Variants in PLA2G4C observed in about 807,000 individuals in gnomAD.
PLA2G4C encodes the protein cytosolic phospholipase A2 gamma.
Under a neutral mutation model 73.8 loss-of-function variants are expected in PLA2G4C, and 64 were observed. The observed-to-expected ratio is 0.87, with a 90% CI of 0.71 to 1.07. The LOEUF (loss-of-function observed/expected upper bound fraction) is 1.07. Ranked by LOEUF, PLA2G4C falls within the 50% of genes least tolerant of loss-of-function variation. PLA2G4C has a pLI of 0.00. For synonymous variants in PLA2G4C, 254 were observed against 252.1 expected (o/e 1.01, Z -0.07); for missense variants, 622 against 665.4 (o/e 0.93, Z 0.72).
intron 10 of PLA2G4C, among the ~76,000 whole-genome samples, chr19:48,083,974 A>G (rs17358665): frequency 0.17 from 25,803 of 151,374 alleles, 2,649 homozygotes; most frequent in Non-Finnish European, 0.24. Context: ...AATGGAGGGG[A>G]CAACAGCATC....
intron 15 of PLA2G4C, among the ~76,000 whole-genome samples, chr19:48,053,430 C>A (rs1165400562): frequency 1.4e-5 from 2 of 140,824 alleles, no homozygotes; most frequent in Non-Finnish European, 3.0e-5. Context: ...AGTCCAATGG[C>A]ACAATCTTGG....
At chr19:48,059,739 G>A (rs1968095136) in intron 14 of PLA2G4C, among the ~76,000 whole-genome samples, 1 of 150,926 alleles carries the variant, frequency 6.6e-6, no homozygotes, top group South Asian at 2.1e-4. Flanking sequence ...GCTACAGACT[G>A]AAGGCTGCAC....
intron 10 of PLA2G4C, among the ~76,000 whole-genome samples, chr19:48,083,579 C>G (rs1267264480): frequency 6.6e-6 from 1 of 150,952 alleles, no homozygotes; most frequent in Non-Finnish European, 1.5e-5. Context: ...TCCCGTGTAG[C>G]TGGGATTACA....
At chr19:48,050,673 CTTTTT>C (rs5828330) in intron 16 of PLA2G4C, among the ~76,000 whole-genome samples, 7 of 78,748 alleles carry the variant, frequency 8.9e-5, no homozygotes, top group Admixed American at 2.1e-4. Flanking sequence ...GAGTATGTGA[CTTTTT>C]TTTTTTTTTT....
intron 13 of PLA2G4C, among the ~76,000 whole-genome samples, chr19:48,066,076 A>G (rs972655618): frequency 6.6e-6 from 1 of 151,282 alleles, no homozygotes; most frequent in African/African-American, 2.4e-5. Flanking sequence ...AAAAAGAGCA[A>G]AACTCCATCT....
intron 10 of PLA2G4C, among the ~76,000 whole-genome samples, chr19:48,084,701 T>G (rs1448537693): frequency 6.6e-6 from 1 of 152,246 alleles, no homozygotes; most frequent in Non-Finnish European, 1.5e-5. Context: ...TACCAGACAC[T>G]GTCCTATGTG....
Position 48,105,317 on chromosome 19 carries a change from T to C in PLA2G4C, c.120+16A>G. ...GATTCTGGGATCTCTGGGGCCACCC[T>C]CCTCCCCTCACTTACCTCATCAGCC... On this transcript the variant is annotated intron_variant, in intron 3 of 16. Coordinates refer to ENST00000599921, the MANE Select transcript of PLA2G4C (RefSeq NM_003706.3). The C allele has an allele frequency of 6.4e-7, 1 of 1,570,658 alleles. No homozygotes were observed. The highest frequency in any genetic ancestry group is 1.7e-5 in the Admixed American group (1 of 58,144).
At chr19:48,061,424 C>G (rs1968165929) in intron 14 of PLA2G4C, 1 of 153,554 alleles carries the variant, frequency 6.5e-6, no homozygotes, top group Non-Finnish European at 1.4e-5. Context: ...AATTTTACAG[C>G]TGAGGAAACC....
chr19:48,110,271 C>T (rs924495636), intron 1 of PLA2G4C, among the ~76,000 whole-genome samples: 1 of 151,460 alleles, frequency 6.6e-6, no homozygotes, highest in African/African-American at 2.4e-5. Flanking sequence ...GCTTGAACCC[C>T]GGAGGCGGAG....
chr19:48,087,056 A>G (rs2031019828), intron 9 of PLA2G4C, among the ~76,000 whole-genome samples: 1 of 152,208 alleles, frequency 6.6e-6, no homozygotes, highest in South Asian at 2.1e-4. Flanking sequence ...CTAGACCCAG[A>G]GGAACAATAA....
At position 48,084,946 on chromosome 19, in the gene PLA2G4C, TG is replaced by T. The variant is rs1167222130; in HGVS notation, c.844+112del. On this transcript the variant is annotated intron_variant, in intron 10 of 16. Transcript: ENST00000599921. Reference sequence around the variant, plus strand: ...GAGAATAAATGTCAGGAAATGTGGTTGTTAGAACCATTATACACAGGCCTCT... The same window carrying T: ...GAGAATAAATGTCAGGAAATGTGGTTTTAGAACCATTATACACAGGCCTCT... The T allele has an allele frequency of 2.5e-5, 19 of 750,368 alleles. No homozygotes were observed. In the Admixed American group the frequency reaches 4.1e-4, roughly 16 times the overall value. 46.5% of individuals were successfully genotyped at this position (750,368 alleles called of 1,614,324 possible).
At chr19:48,064,803 C>G (rs1028079101) in intron 13 of PLA2G4C, 5 of 152,170 alleles carry the variant, frequency 3.3e-5, no homozygotes. Context: ...ACACATGGAG[C>G]AAAGACCATA....
chr19:48,059,084 A>C (rs1968071316), intron 14 of PLA2G4C, among the ~76,000 whole-genome samples: 1 of 152,058 alleles, frequency 6.6e-6, no homozygotes, highest in Non-Finnish European at 1.5e-5. Flanking sequence ...CAGCCTGGCC[A>C]ACATGGTGAA....
In PLA2G4C at chr19:48,110,474, C is replaced by T; in HGVS notation, c.-33+13G>A. The stretch of plus-strand genomic sequence containing the variant: ...AGCGGGATGAAACAGCCCTCCCTGC[C>T]CCCACGGCTTGCCTGAGCCTGGGTC... On this transcript the variant is annotated intron_variant, in intron 1 of 16. Transcript: ENST00000599921. The T allele has an allele frequency of 7.1e-7, 1 of 1,401,764 alleles. No individual in the cohort carries two copies. The highest frequency in any genetic ancestry group is 1.4e-5 in the South Asian group (1 of 70,274). The allele number at this position is 1,401,764 out of a possible 1,614,324, so 86.8% of individuals were successfully genotyped here. A position where few individuals can be genotyped will look rare whatever the true frequency, so the allele number is the denominator to read the frequency against.
chr19:48,106,768 A>AC, intron 1 of PLA2G4C: 1 of 565,396 alleles, frequency 1.8e-6, no homozygotes. Context: ...GAAATATTTC[A>AC]AGCGCGTCTC....
At chr19:48,070,572 A>G (rs961197181) in intron 12 of PLA2G4C, among the ~76,000 whole-genome samples, 2 of 152,228 alleles carry the variant, frequency 1.3e-5, no homozygotes, top group African/African-American at 4.8e-5. Context: ...CAGAAAAAGG[A>G]ACAAGATCAT....
At chr19:48,105,101 A>AAAG (rs1555755662) in intron 3 of PLA2G4C, among the ~76,000 whole-genome samples, 1 of 144,092 alleles carries the variant, frequency 6.9e-6, no homozygotes, top group African/African-American at 2.8e-5. Flanking sequence ...AAAAAAAAAA[A>AAAG]AAAGAAAGAA....
intron 5 of PLA2G4C, among the ~76,000 whole-genome samples, chr19:48,099,346 T>C (rs2031778064): frequency 1.3e-5 from 2 of 152,136 alleles, no homozygotes; most frequent in Non-Finnish European, 2.9e-5. Context: ...GAAAGTTGTC[T>C]TGGGTCTGAC....
intron 5 of PLA2G4C, 151 bp from the exon 6 acceptor site, chr19:48,098,410 C>T: frequency 1.6e-5 from 10 of 607,888 alleles, no homozygotes; most frequent in South Asian, 2.7e-5. Flanking sequence ...ACTACAGCCT[C>T]AACCTCCTGG....
Sources: gnomAD v4.1 joint callset for allele counts (sites outside exome capture counted in the v4.1 genomes callset) on GRCh38, gnomAD v4.1.1 for gene constraint, MANE v1.5 for transcripts, NCBI Gene and HGNC (gene_info 2026-07-23, HGNC 2026-07-21) for gene names.